Variants in ORC4 observed in about 807,000 individuals in gnomAD.
The protein encoded by ORC4 is origin recognition complex, subunit 4 homolog.
ORC4 carries 55 observed loss-of-function variants against 63.9 expected under a neutral mutation model. The ratio of observed to expected loss-of-function variants is 0.86; its 90% CI spans 0.69 to 1.08. ORC4 has a LOEUF of 1.08. Among genes scored for constraint, ORC4 ranks in the 50% least tolerant of loss-of-function variants. ORC4 has a pLI of 0.00. For missense variants in ORC4, 511 were observed against 504.4 expected (o/e 1.01, Z -0.13); for synonymous variants, 150 against 168.5 (o/e 0.89, Z 0.85).
intron 1 of ORC4, among the ~76,000 whole-genome samples, chr2:148,005,673 A>C (rs1476133684): frequency 2.0e-5 from 3 of 150,322 alleles, no homozygotes; most frequent in Non-Finnish European, 4.4e-5. Flanking sequence ...AAAAAAAAAA[A>C]AAAAAAACAA....
intron 4 of ORC4, among the ~76,000 whole-genome samples, chr2:147,964,251 C>G (rs1272425797): frequency 6.6e-6 from 1 of 151,778 alleles, no homozygotes; most frequent in Non-Finnish European, 1.5e-5. Context: ...AAGAAATTAA[C>G]AGAGATACCA....
chr2:147,955,505 A>G (rs1268450972), intron 6 of ORC4, 110 bp from the exon 7 acceptor site: 1 of 761,564 alleles, frequency 1.3e-6, no homozygotes, highest in African/African-American at 1.8e-5. Context: ...TCTAGTTATT[A>G]GAGTCATTGC....
At chr2:147,947,923 A>T in intron 9 of ORC4, 128 bp downstream of exon 9, 1 of 722,040 alleles carries the variant, frequency 1.4e-6, no homozygotes. Context: ...TATAATTTGT[A>T]TTACTGCAGC....
At chr2:147,975,506 GAA>G (rs36022428) in intron 2 of ORC4, among the ~76,000 whole-genome samples, 366 of 143,668 alleles carry the variant, frequency 2.5e-3, no homozygotes, top group African/African-American at 7.6e-3. Context: ...CAAGAAAAGG[GAA>G]AAAAAAAAAA....
At chr2:147,952,719 C>T (rs1052120348) in intron 7 of ORC4, among the ~76,000 whole-genome samples, 195 bp from the exon 8 acceptor site, 17 of 152,128 alleles carry the variant, frequency 1.1e-4, no homozygotes, top group Non-Finnish European at 1.9e-4. Context: ...AACACAGCCC[C>T]GACTGCTCTC....
rs1687748657 is a variant in ORC4, at chr2:147,931,709, A to ATGAT, written c.*3797_*3800dup. 1 of 152,178 alleles carries ATGAT rather than the reference A, an allele frequency of 6.6e-6. No homozygotes were observed. The highest frequency in any genetic ancestry group is 6.6e-5 in the Admixed American group (1 of 15,264). The allele number at this position is 152,178 out of a possible 1,614,324, so 9.4% of individuals were successfully genotyped here. On this transcript the variant is annotated 3_prime_UTR_variant, in exon 14 of 14. Transcript: ENST00000392857. ...AAACAGAGCCAAAGACAAAAAACACATGATTATCTCAATAGATGCAGAAAA... is the reference window on the plus strand; with the variant it reads ...AAACAGAGCCAAAGACAAAAAACACATGATTGATTATCTCAATAGATGCAGAAAA...
intron 1 of ORC4, among the ~76,000 whole-genome samples, chr2:147,987,294 A>C (rs1474637276): frequency 1.3e-5 from 2 of 150,694 alleles, no homozygotes; most frequent in Non-Finnish European, 3.0e-5. Context: ...ATACTTTTTC[A>C]ACCAAAATGG....
intron 1 of ORC4, among the ~76,000 whole-genome samples, chr2:147,979,291 A>G (rs914657424): frequency 2.4e-4 from 37 of 152,190 alleles, no homozygotes; most frequent in East Asian, 1.9e-4. Flanking sequence ...AAAAAAATCA[A>G]TAAGATTTCT....
chr2:147,944,000 G>T (rs915876235), intron 9 of ORC4, among the ~76,000 whole-genome samples: 7 of 152,124 alleles, frequency 4.6e-5, no homozygotes, highest in African/African-American at 1.7e-4. Flanking sequence ...CAGAAAATGA[G>T]TAGTCACGTA....
chr2:148,020,388 G>C (rs1383753427), intron 1 of ORC4, among the ~76,000 whole-genome samples: 1 of 152,148 alleles, frequency 6.6e-6, no homozygotes, highest in African/African-American at 2.4e-5. Flanking sequence ...TGCAGAGGTA[G>C]ACTCAGGATC....
At chr2:148,000,383 G>A (rs1266953687) in intron 1 of ORC4, among the ~76,000 whole-genome samples, 2 of 152,162 alleles carry the variant, frequency 1.3e-5, no homozygotes, top group Non-Finnish European at 2.9e-5. Context: ...AGTGATGGAA[G>A]TAAGAAGGGC....
At chr2:147,991,962 T>C (rs1275077833) in intron 1 of ORC4, among the ~76,000 whole-genome samples, 4 of 152,260 alleles carry the variant, frequency 2.6e-5, no homozygotes, top group Non-Finnish European at 4.4e-5. Context: ...GTTGGAGGAC[T>C]TCTTTAAAGT....
At chr2:147,967,532 C>G (rs1418351236) in intron 4 of ORC4, among the ~76,000 whole-genome samples, 1 of 151,318 alleles carries the variant, frequency 6.6e-6, no homozygotes, top group African/African-American at 2.4e-5. Context: ...AGAAGGCAAT[C>G]CCATTTATAA....
chr2:148,011,562 A>T (rs1692970722), intron 1 of ORC4, among the ~76,000 whole-genome samples: 1 of 152,224 alleles, frequency 6.6e-6, no homozygotes, highest in Admixed American at 6.5e-5. Context: ...AGGATCTAGA[A>T]GAAGGATGGG....
intron 1 of ORC4, among the ~76,000 whole-genome samples, chr2:148,002,371 C>T (rs1170940015): frequency 1.3e-5 from 2 of 152,146 alleles, no homozygotes; most frequent in African/African-American, 2.4e-5. Context: ...AAGTAAAACA[C>T]TCCTCAACAA....
intron 3 of ORC4, 39 bp from the exon 4 acceptor site, chr2:147,972,868 G>T: frequency 7.7e-7 from 1 of 1,305,622 alleles, no homozygotes; most frequent in Non-Finnish European, 1.1e-6. Flanking sequence ...TAAAAATGAA[G>T]CTGGAATACT....
intron 1 of ORC4, among the ~76,000 whole-genome samples, chr2:148,017,658 C>T (rs375137964): frequency 2.8e-4 from 43 of 152,066 alleles, no homozygotes; most frequent in African/African-American, 1.0e-3. Flanking sequence ...GGCAACAGAG[C>T]GAGACTCCAT....
At chr2:147,996,411 TC>T (rs1357097160) in intron 1 of ORC4, among the ~76,000 whole-genome samples, 1 of 152,086 alleles carries the variant, frequency 6.6e-6, no homozygotes, top group Non-Finnish European at 1.5e-5. Flanking sequence ...GAAAGTACAA[TC>T]CATGAAAGAA....
At chr2:147,989,703 T>C (rs1218404575) in intron 1 of ORC4, among the ~76,000 whole-genome samples, 2 of 149,916 alleles carry the variant, frequency 1.3e-5, no homozygotes, top group East Asian at 1.9e-4. Context: ...GCGAGACTCA[T>C]CTCAAAAACA....
Sources: allele counts gnomAD v4.1 joint callset (sites outside exome capture counted in the v4.1 genomes callset), GRCh38; gene constraint gnomAD v4.1.1; transcripts MANE v1.5; gene names NCBI Gene and HGNC (gene_info 2026-07-23, HGNC 2026-07-21).